Variants in FAF1 observed in about 807,000 individuals in gnomAD.
FAF1 encodes the protein FAS-associated factor 1.
In FAF1, 25 loss-of-function variants were observed where a neutral mutation model predicts 92.5. That is an observed-to-expected ratio of 0.27 (90% CI 0.20 to 0.38). The LOEUF is 0.38. Among genes scored for constraint, FAF1 ranks in the 10% least tolerant of loss-of-function variants. The pLI, the probability that FAF1 is intolerant of heterozygous loss-of-function variation, is 1.00. For synonymous variants in FAF1, 234 were observed against 273.2 expected, an observed-to-expected ratio of 0.86 and a Z score of 1.42; for missense variants, 636 against 793.3, an observed-to-expected ratio of 0.80 and a Z score of 2.38.
intron 7 of FAF1, among the ~76,000 whole-genome samples, chr1:50,686,301 G>A (rs1421341117): frequency 6.6e-6 from 1 of 152,086 alleles, no homozygotes; most frequent in Non-Finnish European, 1.5e-5. Flanking sequence ...CCAGCACTTT[G>A]GGAGGCCAAG....
At chr1:50,914,046 G>T (rs1479319273) in intron 1 of FAF1, among the ~76,000 whole-genome samples, 2 of 152,096 alleles carry the variant, frequency 1.3e-5, no homozygotes, top group Admixed American at 1.3e-4. Context: ...CTGTATATCT[G>T]TTACTCTGAA....
At chr1:50,460,086 A>G (rs945745076) in intron 18 of FAF1, among the ~76,000 whole-genome samples, 3 of 152,370 alleles carry the variant, frequency 2.0e-5, no homozygotes, top group South Asian at 2.1e-4. Flanking sequence ...TGTATTGTGC[A>G]TAACAGGTGC....
chr1:50,953,858 A>G (rs1645241423), intron 1 of FAF1, among the ~76,000 whole-genome samples: 1 of 152,240 alleles, frequency 6.6e-6, no homozygotes, highest in Non-Finnish European at 1.5e-5. Flanking sequence ...CAGAAAACAT[A>G]ACTGAAAATA....
chr1:50,927,034 C>T (rs1645011098), intron 1 of FAF1, among the ~76,000 whole-genome samples: 1 of 152,110 alleles, frequency 6.6e-6, no homozygotes, highest in South Asian at 2.1e-4. Flanking sequence ...CTAAATAATT[C>T]CACGTCTATA....
chr1:50,649,317 A>C (rs1034083900), intron 8 of FAF1, among the ~76,000 whole-genome samples: 7 of 151,484 alleles, frequency 4.6e-5, no homozygotes, highest in Non-Finnish European at 1.0e-4. Context: ...ACACCTGGCT[A>C]ATTTTGTATT....
intron 6 of FAF1, among the ~76,000 whole-genome samples, chr1:50,729,030 C>CTATATATATATATA (rs1324027260): frequency 2.7e-5 from 2 of 74,524 alleles, no homozygotes; most frequent in African/African-American, 6.7e-5. Context: ...ATCTATCTAT[C>CTATATATATATATA]TATCTATATA....
chr1:50,874,674 T>G (rs1644554892), intron 1 of FAF1, among the ~76,000 whole-genome samples: 1 of 151,942 alleles, frequency 6.6e-6, no homozygotes, highest in Non-Finnish European at 1.5e-5. Flanking sequence ...CCCTATATAT[T>G]TCAAACCCAC....
chr1:50,690,657 A>C (rs1301438289), intron 7 of FAF1, among the ~76,000 whole-genome samples: 1 of 152,168 alleles, frequency 6.6e-6, no homozygotes, highest in South Asian at 2.1e-4. Context: ...TTATTTGAAG[A>C]AGTTTAATAT....
intron 6 of FAF1, among the ~76,000 whole-genome samples, chr1:50,728,344 A>C (rs1001123254): frequency 4.6e-5 from 7 of 152,204 alleles, no homozygotes; most frequent in Non-Finnish European, 2.9e-5. Context: ...GCACACTTAG[A>C]AGGTTTAAAG....
chr1:50,593,119 A>G (rs571272676), intron 9 of FAF1, among the ~76,000 whole-genome samples: 19 of 152,308 alleles, frequency 1.2e-4, no homozygotes, highest in Non-Finnish European at 2.4e-4. Context: ...ATAGGAGGGC[A>G]AAACTCCTAA....
chr1:50,804,759 T>G (rs1317810889), intron 2 of FAF1, among the ~76,000 whole-genome samples: 1 of 152,150 alleles, frequency 6.6e-6, no homozygotes, highest in Non-Finnish European at 1.5e-5. Flanking sequence ...TTCTTGAGTT[T>G]ATAGAATCCA....
At chr1:50,666,658 G>A (rs1043819855) in intron 7 of FAF1, among the ~76,000 whole-genome samples, 2 of 152,138 alleles carry the variant, frequency 1.3e-5, no homozygotes, top group East Asian at 1.9e-4. Flanking sequence ...TGAGGTGGGC[G>A]GATCACCTGA....
chr1:50,794,789 A>ATTTTTTT (rs59806816), intron 3 of FAF1, among the ~76,000 whole-genome samples: 3 of 123,492 alleles, frequency 2.4e-5, no homozygotes, highest in African/African-American at 3.1e-5. Context: ...TCACCCAGCT[A>ATTTTTTT]TTTTTTTTTT....
chr1:50,741,155 G>C (rs1207694424), intron 5 of FAF1, among the ~76,000 whole-genome samples: 1 of 152,170 alleles, frequency 6.6e-6, no homozygotes, highest in Admixed American at 6.5e-5. Context: ...TGCTGGGATG[G>C]GACCAAATTA....
intron 4 of FAF1, among the ~76,000 whole-genome samples, chr1:50,787,314 G>T (rs1394934949): frequency 6.6e-6 from 1 of 152,186 alleles, no homozygotes. Flanking sequence ...TTCAGGTATT[G>T]TCTATGTGGT....
intron 12 of FAF1, chr1:50,582,402 C>A: frequency 2.2e-6 from 1 of 446,808 alleles, no homozygotes; most frequent in South Asian, 5.3e-5. Flanking sequence ...AAACAGAAAA[C>A]GGTGCTTGCT....
intron 1 of FAF1, among the ~76,000 whole-genome samples, chr1:50,905,575 T>C (rs774015215): frequency 3.9e-5 from 6 of 152,230 alleles, no homozygotes; most frequent in Non-Finnish European, 5.9e-5. Context: ...ATGATCACCA[T>C]TGTAACTGTG....
chr1:50,600,242 TATATTA>T (rs1367400690), intron 8 of FAF1, among the ~76,000 whole-genome samples: 1 of 152,190 alleles, frequency 6.6e-6, no homozygotes, highest in Non-Finnish European at 1.5e-5. Context: ...GTTCAGTGGT[TATATTA>T]ATATAATAGA....
intron 1 of FAF1, among the ~76,000 whole-genome samples, chr1:50,859,584 A>G (rs1351260577): frequency 6.6e-6 from 1 of 152,006 alleles, no homozygotes; most frequent in African/African-American, 2.4e-5. Context: ...GAGAACTACA[A>G]AACACTGCTG....
Sources: allele counts gnomAD v4.1 joint callset (sites outside exome capture counted in the v4.1 genomes callset), GRCh38; gene constraint gnomAD v4.1.1; transcripts MANE v1.5; gene names NCBI Gene and HGNC (gene_info 2026-07-23, HGNC 2026-07-21).